GADL1: variants seen among roughly 807,000 people sequenced by gnomAD.
GADL1 encodes acidic amino acid decarboxylase GADL1.
In GADL1, 71 loss-of-function variants were observed where a neutral mutation model predicts 69.5. The observed-to-expected ratio is 1.02, with a 90% CI of 0.84 to 1.25. The LOEUF (loss-of-function observed/expected upper bound fraction) is 1.25. Among genes scored for constraint, GADL1 ranks in the 50% most tolerant of loss-of-function variants. The pLI is 0.00. For missense variants in GADL1, 737 were observed against 631.8 expected, an observed-to-expected ratio of 1.17 and a Z score of -1.79; for synonymous variants, 254 against 214.4, an observed-to-expected ratio of 1.18 and a Z score of -1.62.
chr3:30,838,196 T>C (rs1235894048), intron 9 of GADL1, among the ~76,000 whole-genome samples: 1 of 152,076 alleles, frequency 6.6e-6, no homozygotes, highest in African/African-American at 2.4e-5. Context: ...CCATGTGCAA[T>C]TGTCTCTTTG....
intron 2 of GADL1, 105 bp downstream of exon 2, chr3:30,861,488 G>T: frequency 1.3e-6 from 1 of 757,792 alleles, no homozygotes; most frequent in Non-Finnish European, 2.1e-6. Flanking sequence ...AGGCATAGAA[G>T]AAATAAAAAC....
At chr3:30,890,239 T>C (rs1698768088) in intron 1 of GADL1, among the ~76,000 whole-genome samples, 1 of 152,224 alleles carries the variant, frequency 6.6e-6, no homozygotes, top group Admixed American at 6.5e-5. Flanking sequence ...TCATGATTCT[T>C]GTCACTCTAA....
intron 4 of GADL1, among the ~76,000 whole-genome samples, chr3:30,853,122 A>T (rs1168203637): frequency 2.0e-5 from 3 of 152,038 alleles, no homozygotes; most frequent in Non-Finnish European, 4.4e-5. Context: ...TTGTAAGCTG[A>T]CCCTGTTCCT....
At chr3:30,871,732 C>A (rs896495537) in intron 1 of GADL1, among the ~76,000 whole-genome samples, 1 of 151,720 alleles carries the variant, frequency 6.6e-6, no homozygotes, top group African/African-American at 2.4e-5. Flanking sequence ...TCTACTGAAA[C>A]ACCAAGGCAT....
chr3:30,870,627 T>C lies in GADL1; in HGVS notation c.38-8862A>G, dbSNP rs549342953. On this transcript the variant is annotated intron_variant, in intron 1 of 14. Coordinates refer to ENST00000282538, the MANE Select transcript of GADL1 (RefSeq NM_207359.3). ...AGAGAATGAACTGTCAAAAGACAGA[T>C]GTGGAAATAGGGAGACTGCTTAGGT... is the stretch of plus-strand genomic sequence containing the variant. Among the ~76,000 whole-genome samples the C allele has an allele frequency of 4.6e-5, 7 of 151,496 alleles. No homozygotes were observed. The South Asian group carries it at 1.2e-3, about 27-fold the overall frequency.
At chr3:30,794,357 G>A (rs1429524438) in intron 12 of GADL1, among the ~76,000 whole-genome samples, 1 of 152,132 alleles carries the variant, frequency 6.6e-6, no homozygotes, top group East Asian at 1.9e-4. Flanking sequence ...TCCCTTAGTG[G>A]ATATCCATTT....
intron 1 of GADL1, among the ~76,000 whole-genome samples, chr3:30,892,072 A>G (rs1001974920): frequency 6.6e-6 from 1 of 152,196 alleles, no homozygotes; most frequent in Non-Finnish European, 1.5e-5. Flanking sequence ...ATTTCAAGTG[A>G]TAGAGAAAAA....
chr3:30,751,331 A>C (rs570347636), intron 14 of GADL1, among the ~76,000 whole-genome samples: 2 of 150,496 alleles, frequency 1.3e-5, no homozygotes, highest in African/African-American at 4.9e-5. Flanking sequence ...TGGTAAGGAG[A>C]CTCTTGAGCC....
chr3:30,799,479 C>T (rs1363562469), intron 12 of GADL1: 1 of 152,118 alleles, frequency 6.6e-6, no homozygotes, highest in Admixed American at 6.5e-5. Flanking sequence ...CCTGTGTGTC[C>T]CCAGGCCCAT....
In GADL1 at chr3:30,880,752, C is replaced by T. The variant is rs1239297534; in HGVS notation, c.37+13826G>A. ...AGGAGGTCCTGGAACCAATTCCCTG[C>T]AGATTCTGAGGGATGACTGTACTCT... On this transcript the variant is annotated intron_variant, in intron 1 of 14. Coordinates refer to ENST00000282538, the MANE Select transcript of GADL1 (RefSeq NM_207359.3). 2.6e-5 allele frequency among the ~76,000 whole-genome samples: 4 copies of T among 151,854 alleles called. No homozygotes were observed. The East Asian group carries it at 7.8e-4, about 29-fold the overall frequency.
intron 12 of GADL1, among the ~76,000 whole-genome samples, chr3:30,787,130 C>G (rs777663972): frequency 3.9e-5 from 6 of 151,966 alleles, no homozygotes; most frequent in Non-Finnish European, 5.9e-5. Flanking sequence ...TGCAGCCAAC[C>G]GTGGTACATG....
Position 30,808,996 on chromosome 3 carries a change from G to T in GADL1, c.1051-7908C>A, listed in dbSNP as rs1697307412. ...CACAGTGACTAAACGGTGGTGGAGA[G>T]TGTGCTTCATATACTCAACTCTACT... On this transcript the variant is annotated intron_variant, in intron 11 of 14. Transcript: ENST00000282538. Among the ~76,000 whole-genome samples the T allele has an allele frequency of 1.3e-5, 2 of 152,160 alleles. 1 individual carries two copies. The highest frequency in any genetic ancestry group is 4.1e-4 in the South Asian group (2 of 4,824).
rs532137892 is a variant in GADL1, at chr3:30,861,689, A to G, written c.114T>C (p.Pro38=). ...VLVDGVVLNG[P]TTDAKAGEKF... ...TTTCTCCAGCTTTTGCATCTGTTGT[A>G]GGACCATTCAGCACAACCCCATCCA... The change falls in exon 2 of 15, where the codon CCT becomes CCC. Residue 38 remains proline, a synonymous_variant. Coordinates refer to ENST00000282538, the MANE Select transcript of GADL1 (RefSeq NM_207359.3). 7.7e-6 allele frequency: 12 copies of G among 1,549,848 alleles called. No individual in the cohort carries two copies. The South Asian group carries it at 1.2e-4, about 15-fold the overall frequency.
At chr3:30,845,346 G>T (rs1698036666) in intron 6 of GADL1, among the ~76,000 whole-genome samples, 1 of 152,086 alleles carries the variant, frequency 6.6e-6, no homozygotes, top group Admixed American at 6.6e-5. Flanking sequence ...CATTAGTGAG[G>T]ACAGGTGGTC....
chr3:30,822,129 T>A (rs1019631953), intron 11 of GADL1, among the ~76,000 whole-genome samples: 1 of 152,090 alleles, frequency 6.6e-6, no homozygotes, highest in African/African-American at 2.4e-5. Flanking sequence ...ATAGTTAACA[T>A]GTGTCACAAA....
At chr3:30,856,790 T>C (rs1698236325) in intron 3 of GADL1, among the ~76,000 whole-genome samples, 1 of 152,022 alleles carries the variant, frequency 6.6e-6, no homozygotes, top group Admixed American at 6.6e-5. Context: ...AGAGGATATT[T>C]ACATACAAAC....
In GADL1 at chr3:30,805,734, C is replaced by CTTTTTTTTTT. The variant is rs34788058; in HGVS notation, c.1051-4656_1051-4647dup. Among the ~76,000 whole-genome samples, 18 of 66,092 alleles carry CTTTTTTTTTT rather than the reference C, an allele frequency of 2.7e-4. 1 individual carries two copies. Among genetic ancestry groups the CTTTTTTTTTT allele is most frequent in the African/African-American group, 1.2e-3 (14 of 11,836 alleles). 43.4% of individuals were successfully genotyped at this position (66,092 alleles called of 152,430 possible). ...ATTCTGTGCACCAGCAGTCCCCAGC[C>CTTTTTTTTTT]TTTTTTTTTTTTTTTTTTTTTTTTG... is the stretch of plus-strand genomic sequence containing the variant. On this transcript the variant is annotated intron_variant, in intron 11 of 14. Coordinates refer to ENST00000282538, the MANE Select transcript of GADL1 (RefSeq NM_207359.3).
At chr3:30,809,242 T>C (rs1296115627) in intron 11 of GADL1, among the ~76,000 whole-genome samples, 1 of 152,186 alleles carries the variant, frequency 6.6e-6, no homozygotes, top group Non-Finnish European at 1.5e-5. Flanking sequence ...ATTTATTTAG[T>C]TAGTTCATTT....
intron 14 of GADL1, among the ~76,000 whole-genome samples, chr3:30,732,449 CA>C (rs1695472722): frequency 6.6e-6 from 1 of 152,128 alleles, no homozygotes; most frequent in Admixed American, 6.5e-5. Flanking sequence ...ACTTAATGTA[CA>C]CATTTCTGTG....
Sources: allele counts gnomAD v4.1 joint callset (sites outside exome capture counted in the v4.1 genomes callset), GRCh38; gene constraint gnomAD v4.1.1; transcripts MANE v1.5; gene names NCBI Gene and HGNC (gene_info 2026-07-23, HGNC 2026-07-21).